The following TBC1D10A variants were observed in gnomAD, a reference collection of about 807,000 sequenced individuals.
The protein encoded by TBC1D10A is TBC1 domain family member 10A, also known as EBP50-PDX interactor of 64 kDa.
A neutral mutation model predicts 52.9 loss-of-function variants in TBC1D10A; 24 were observed. The ratio of observed to expected loss-of-function variants is 0.45; its 90% confidence interval spans 0.33 to 0.64. The LOEUF (loss-of-function observed/expected upper bound fraction) is 0.64, where lower values mean the gene tolerates loss of function less well. Among genes scored for constraint, TBC1D10A ranks in the 30% least tolerant of loss-of-function variants. The pLI is 0.02. For synonymous variants in TBC1D10A, 278 were observed against 282.9 expected, an observed-to-expected ratio of 0.98 and a Z score of 0.17; for missense variants, 602 against 687.9, an observed-to-expected ratio of 0.88 and a Z score of 1.40.
chr22:30,293,012 G>T, intron 8 of TBC1D10A, 161 bp from the exon 9 acceptor site: 1 of 731,248 alleles, frequency 1.4e-6, no homozygotes, highest in Non-Finnish European at 2.2e-6. Context: ...GCAGTCACGA[G>T]CCCCACAGCT....
intron 1 of TBC1D10A, among the ~76,000 whole-genome samples, chr22:30,325,261 TTAGGG>T: frequency 6.6e-6 from 1 of 152,288 alleles, no homozygotes; most frequent in South Asian, 2.1e-4. Context: ...GGAACTCCCC[TTAGGG>T]GAGGGGCCTG....
intron 1 of TBC1D10A, among the ~76,000 whole-genome samples, chr22:30,326,168 T>G: frequency 6.9e-6 from 1 of 144,118 alleles, no homozygotes; most frequent in Non-Finnish European, 1.5e-5. Context: ...GGCGGGGCAG[T>G]CAGTCCTGAA....
chr22:30,318,845 C>G (rs776852695), intron 1 of TBC1D10A: 1 of 395,536 alleles, frequency 2.5e-6, no homozygotes, highest in South Asian at 1.9e-5. Flanking sequence ...CAGACCTGGA[C>G]TAACTTTTAT....
At chr22:30,310,368 T>C (rs866785492) in intron 1 of TBC1D10A, among the ~76,000 whole-genome samples, 11 of 152,328 alleles carry the variant, frequency 7.2e-5, no homozygotes, top group African/African-American at 2.4e-4. Flanking sequence ...CTGGTCCCCA[T>C]ACACAGGCCT....
intron 1 of TBC1D10A, among the ~76,000 whole-genome samples, chr22:30,319,707 T>C (rs748434558): frequency 2.0e-5 from 3 of 152,108 alleles, no homozygotes; most frequent in Non-Finnish European, 2.9e-5. Flanking sequence ...ATCAGGAGCA[T>C]TGACTTGCCA....
At chr22:30,321,068 A>C (rs546844033) in intron 1 of TBC1D10A, among the ~76,000 whole-genome samples, 4 of 152,192 alleles carry the variant, frequency 2.6e-5, no homozygotes, top group Admixed American at 2.6e-4. Flanking sequence ...CTACCATCTT[A>C]TCTCTTTCCC....
intron 1 of TBC1D10A, among the ~76,000 whole-genome samples, chr22:30,309,566 G>A (rs1299366778): frequency 6.6e-6 from 1 of 152,202 alleles, no homozygotes; most frequent in Non-Finnish European, 1.5e-5. Flanking sequence ...TTCTGAGGAG[G>A]AAAGGCTCAG....
In TBC1D10A at chr22:30,326,815, G is replaced by C; in HGVS notation, c.67C>G (p.Arg23Gly). 2.0e-6 allele frequency: 3 copies of C among 1,478,424 alleles called. No homozygotes were observed. Among genetic ancestry groups the C allele is most frequent in the Non-Finnish European group, 1.8e-6 (2 of 1,116,690 alleles). The allele number at this position is 1,478,424 out of a possible 1,614,324, so 91.6% of individuals were successfully genotyped here. ...TCGGGGCCCTGGGCCAGGCTCTCCC[G>C]GGTTCCCGACAGGCTTTCCCCGGCC... ...PAAGESLSGT[R>G]ESLAQGPDAA... Residue 23 changes from arginine (R) to glycine (G), a missense_variant, in exon 1 of 9, where the codon CGG becomes GGG. Physicochemically the swap from Arg to Gly is moderately radical, Grantham distance 125. Around this residue, in one of 3 missense-constraint regions of TBC1D10A, gnomAD observed 201 missense variants for 204.4 expected, o/e 0.98. Transcript: ENST00000215790.
intron 1 of TBC1D10A, among the ~76,000 whole-genome samples, chr22:30,321,565 GGCAATACT>G (rs1342833390): frequency 2.6e-5 from 4 of 152,200 alleles, no homozygotes; most frequent in Non-Finnish European, 4.4e-5. Context: ...AACTAAAGAA[GGCAATACT>G]GCTATTCCAG....
chr22:30,292,252 G>C lies in TBC1D10A; in HGVS notation c.*123C>G, dbSNP rs2145758875. On this transcript the variant is annotated 3_prime_UTR_variant, in exon 9 of 9. Coordinates refer to ENST00000215790, the MANE Select transcript of TBC1D10A (RefSeq NM_031937.3). Reference sequence around the variant, plus strand: ...GGCAGAATCTGTGTTGGACCAGCCAGACTCCAGCCCAGCCCAGTGGCCAGG... The same window carrying C: ...GGCAGAATCTGTGTTGGACCAGCCACACTCCAGCCCAGCCCAGTGGCCAGG... The C allele has an allele frequency of 1.2e-6, 1 of 837,788 alleles. No homozygotes were observed. The highest frequency in any genetic ancestry group is 2.7e-5 in the East Asian group (1 of 37,002). The allele number at this position is 837,788 out of a possible 1,614,324, so 51.9% of individuals were successfully genotyped here.
At chr22:30,320,974 G>T (rs1429051620) in intron 1 of TBC1D10A, among the ~76,000 whole-genome samples, 2 of 152,190 alleles carry the variant, frequency 1.3e-5, no homozygotes, top group Non-Finnish European at 2.9e-5. Context: ...AGATTGGGTG[G>T]CTGGGCCACA....
At chr22:30,326,463 G>C (rs1300720180) in intron 1 of TBC1D10A, among the ~76,000 whole-genome samples, 4 of 149,322 alleles carry the variant, frequency 2.7e-5, no homozygotes, top group South Asian at 4.3e-4. Context: ...TGGAGGTGTG[G>C]GCCCGTCCGC....
intron 2 of TBC1D10A, among the ~76,000 whole-genome samples, chr22:30,303,725 C>T (rs867810889): frequency 3.9e-5 from 6 of 152,208 alleles, no homozygotes; most frequent in Admixed American, 2.6e-4. Context: ...GGAACTTGTA[C>T]AGAGAGACCC....
chr22:30,307,438 T>C (rs1443468944), intron 1 of TBC1D10A, among the ~76,000 whole-genome samples: 1 of 152,176 alleles, frequency 6.6e-6, no homozygotes, highest in East Asian at 1.9e-4. Flanking sequence ...TGTTAAACAG[T>C]TTCCACTGCT....
In TBC1D10A at chr22:30,292,110, G is replaced by A; in HGVS notation, c.*265C>T. On this transcript the variant is annotated 3_prime_UTR_variant, in exon 9 of 9. Transcript: ENST00000215790. ...TGGGGAGCATCCCCCAGGAGGAGGG[G>A]GCTGAAGGAGGCCCCACCCCCCAGG... 1 of 404,940 alleles carries A rather than the reference G, an allele frequency of 2.5e-6. No homozygotes were observed. Among genetic ancestry groups the A allele is most frequent in the Non-Finnish European group, 4.4e-6 (1 of 227,956 alleles). 25.1% of individuals were successfully genotyped at this position (404,940 alleles called of 1,614,324 possible). A position where few individuals can be genotyped will look rare whatever the true frequency, so the allele number is the denominator to read the frequency against.
chr22:30,318,539 C>A, intron 1 of TBC1D10A: 1 of 457,768 alleles, frequency 2.2e-6, no homozygotes, highest in South Asian at 1.6e-5. Flanking sequence ...AGAGTCACAG[C>A]AGCCCACTGC....
At chr22:30,309,735 G>T (rs1167090970) in intron 1 of TBC1D10A, among the ~76,000 whole-genome samples, 2 of 152,156 alleles carry the variant, frequency 1.3e-5, no homozygotes, top group African/African-American at 4.8e-5. Context: ...CCAAAACCCA[G>T]AGGCTTGAGG....
At chr22:30,320,356 G>T (rs148872997) in intron 1 of TBC1D10A, among the ~76,000 whole-genome samples, 2 of 152,156 alleles carry the variant, frequency 1.3e-5, no homozygotes, top group Middle Eastern at 6.8e-3. Context: ...ATACTGGAAG[G>T]GGGAGGTAGC....
intron 3 of TBC1D10A, 187 bp downstream of exon 3, chr22:30,299,257 C>T: frequency 1.7e-6 from 1 of 590,982 alleles, no homozygotes; most frequent in South Asian, 2.0e-5. Context: ...ACAGACCCTC[C>T]AGGAGACACA....
Sources: gnomAD v4.1 joint callset for allele counts (sites outside exome capture counted in the v4.1 genomes callset) on GRCh38, gnomAD v4.1.1 for gene constraint, gnomAD v4.1.1 regional missense constraint, MANE v1.5 for transcripts, NCBI Gene and HGNC (gene_info 2026-07-23, HGNC 2026-07-21) for gene names.